The following VPS13B variants were observed in gnomAD, a reference collection of about 807,000 sequenced individuals.
The protein encoded by VPS13B is vacuolar protein sorting 13 homolog B.
Under a neutral mutation model 426.4 loss-of-function variants are expected in VPS13B, and 285 were observed. The ratio of observed to expected loss-of-function variants is 0.67; its 90% confidence interval spans 0.61 to 0.74. VPS13B has a LOEUF of 0.74. Among genes scored for constraint, VPS13B ranks in the 30% least tolerant of loss-of-function variants. VPS13B has a pLI of 0.00. For synonymous variants in VPS13B, 1,676 were observed against 1,676.4 expected, an observed-to-expected ratio of 1.00 and a Z score of 0.01; for missense variants, 4,537 against 4,782.6, an observed-to-expected ratio of 0.95 and a Z score of 1.51.
chr8:99,254,949 G>C (rs934836815), intron 17 of VPS13B, among the ~76,000 whole-genome samples: 1 of 152,056 alleles, frequency 6.6e-6, no homozygotes, highest in African/African-American at 2.4e-5. Context: ...TACATTTTCT[G>C]TTTCATCTTT....
intron 17 of VPS13B, among the ~76,000 whole-genome samples, chr8:99,202,360 G>A (rs914835933): frequency 2.0e-5 from 3 of 152,204 alleles, no homozygotes; most frequent in African/African-American, 4.8e-5. Context: ...AGAAATGTAT[G>A]ATGAATAAAT....
chr8:99,735,197 T>A (rs1389261861), intron 39 of VPS13B, among the ~76,000 whole-genome samples: 2 of 152,060 alleles, frequency 1.3e-5, no homozygotes, highest in African/African-American at 4.8e-5. Context: ...GAGATGAGAA[T>A]AGAACCATGA....
At chr8:99,076,948 A>G (rs1799780389) in intron 3 of VPS13B, among the ~76,000 whole-genome samples, 1 of 150,660 alleles carries the variant, frequency 6.6e-6, no homozygotes, top group African/African-American at 2.4e-5. Context: ...TTCATTGTTT[A>G]TTTTTGTGGT....
At chr8:99,582,813 G>T (rs369209650) in intron 33 of VPS13B, among the ~76,000 whole-genome samples, 1 of 151,946 alleles carries the variant, frequency 6.6e-6, no homozygotes, top group East Asian at 1.9e-4. Flanking sequence ...CCGCCACCAC[G>T]CCCGGCTAAT....
intron 35 of VPS13B, among the ~76,000 whole-genome samples, chr8:99,662,882 A>G (rs1298704672): frequency 6.6e-6 from 1 of 152,130 alleles, no homozygotes; most frequent in African/African-American, 2.4e-5. Flanking sequence ...CCCTGTCTCT[A>G]CTAAAAATAA....
chr8:99,540,508 T>C (rs1279832024), intron 30 of VPS13B, among the ~76,000 whole-genome samples: 1 of 152,186 alleles, frequency 6.6e-6, no homozygotes, highest in Non-Finnish European at 1.5e-5. Context: ...ACCTCATTGT[T>C]CTCAGTTCAT....
intron 3 of VPS13B, among the ~76,000 whole-genome samples, chr8:99,077,292 C>T (rs1037182754): frequency 1.3e-5 from 2 of 152,084 alleles, no homozygotes; most frequent in African/African-American, 2.4e-5. Flanking sequence ...CTTGCCTCAG[C>T]CTCCCGAGTA....
At chr8:99,131,543 A>G (rs185156210) in intron 8 of VPS13B, among the ~76,000 whole-genome samples, 2 of 152,306 alleles carry the variant, frequency 1.3e-5, no homozygotes, top group African/African-American at 4.8e-5. Flanking sequence ...GAGTCACAGA[A>G]ATTTTTTGTT....
chr8:99,270,042 G>A (rs1220229165), intron 17 of VPS13B, among the ~76,000 whole-genome samples: 1 of 147,100 alleles, frequency 6.8e-6, no homozygotes, highest in Non-Finnish European at 1.5e-5. Context: ...AAATACTTGA[G>A]AAATGTAAAG....
chr8:99,289,394 T>C (rs1317705442), intron 19 of VPS13B, among the ~76,000 whole-genome samples: 2 of 152,136 alleles, frequency 1.3e-5, no homozygotes, highest in Non-Finnish European at 2.9e-5. Flanking sequence ...ATATTGCCGT[T>C]CTTTTTTGTT....
intron 21 of VPS13B, among the ~76,000 whole-genome samples, chr8:99,429,910 C>T (rs1816996449): frequency 6.6e-6 from 1 of 152,122 alleles, no homozygotes; most frequent in Non-Finnish European, 1.5e-5. Flanking sequence ...CCCTGTATGA[C>T]CTGGTCCCTA....
At chr8:99,425,017 A>G (rs1331826770) in intron 21 of VPS13B, among the ~76,000 whole-genome samples, 1 of 152,236 alleles carries the variant, frequency 6.6e-6, no homozygotes, top group East Asian at 1.9e-4. Context: ...TAAACCAGGA[A>G]GAAGTTGCAT....
chr8:99,809,749 C>T (rs1813602318), intron 44 of VPS13B, among the ~76,000 whole-genome samples: 1 of 152,152 alleles, frequency 6.6e-6, no homozygotes, highest in Admixed American at 6.5e-5. Context: ...TGCTAACAAG[C>T]AGTAAAATTT....
chr8:99,311,237 C>G (rs190126893), intron 19 of VPS13B, among the ~76,000 whole-genome samples: 2 of 152,160 alleles, frequency 1.3e-5, no homozygotes, highest in African/African-American at 2.4e-5. Flanking sequence ...GCTCTTGCTT[C>G]TCTAGTTCTT....
intron 19 of VPS13B, among the ~76,000 whole-genome samples, chr8:99,367,110 G>C (rs962620610): frequency 1.3e-5 from 2 of 152,110 alleles, no homozygotes; most frequent in African/African-American, 2.4e-5. Flanking sequence ...TGTACCTTCA[G>C]ATGTTTTCTT....
intron 20 of VPS13B, among the ~76,000 whole-genome samples, chr8:99,388,845 C>T (rs949892531): frequency 6.6e-5 from 10 of 152,150 alleles, no homozygotes; most frequent in Non-Finnish European, 1.5e-5. Flanking sequence ...TAATTCTTGC[C>T]TGTGTGAAAA....
At chr8:99,875,388 C>G in intron 61 of VPS13B, 30 bp from the exon 62 acceptor site, 2 of 1,614,036 alleles carry the variant, frequency 1.2e-6, no homozygotes, top group Non-Finnish European at 1.7e-6. Context: ...AAGGGTCTGG[C>G]AACTAATCTT....
intron 19 of VPS13B, among the ~76,000 whole-genome samples, chr8:99,291,688 A>G (rs1488462197): frequency 6.6e-6 from 1 of 152,126 alleles, no homozygotes; most frequent in East Asian, 1.9e-4. Context: ...TTTGAATTGA[A>G]GAAGGGAGGA....
chr8:99,800,325 T>C (rs1415842790), intron 43 of VPS13B, among the ~76,000 whole-genome samples: 1 of 152,132 alleles, frequency 6.6e-6, no homozygotes, highest in Admixed American at 6.5e-5. Context: ...GCTGTTAATA[T>C]CACAGCTCAT....
Sources: allele counts gnomAD v4.1 joint callset (sites outside exome capture counted in the v4.1 genomes callset), GRCh38; gene constraint gnomAD v4.1.1; transcripts MANE v1.5; gene names NCBI Gene and HGNC (gene_info 2026-07-23, HGNC 2026-07-21).